The following DOCK1 variants were observed in gnomAD, a reference collection of about 807,000 sequenced individuals.
DOCK1 encodes the protein dedicator of cytokinesis protein 1.
A neutral mutation model predicts 262.7 loss-of-function variants in DOCK1; 138 were observed. That is an observed-to-expected ratio of 0.53 (90% CI 0.46 to 0.61). The LOEUF (loss-of-function observed/expected upper bound fraction) is 0.61, where lower values mean the gene tolerates loss of function less well. Ranked by LOEUF, DOCK1 falls within the 20% of genes least tolerant of loss-of-function variation. The probability of loss-of-function intolerance (pLI) is 0.00; values close to 1 mark genes in which losing one functional copy is unlikely to be tolerated. For synonymous variants in DOCK1, 866 were observed against 867.4 expected, an observed-to-expected ratio of 1.00 and a Z score of 0.03; for missense variants, 1,908 against 2,370.7, an observed-to-expected ratio of 0.80 and a Z score of 4.05.
intron 29 of DOCK1, among the ~76,000 whole-genome samples, chr10:127,333,024 G>A (rs1357233718): frequency 1.3e-5 from 2 of 150,034 alleles, no homozygotes; most frequent in African/African-American, 5.1e-5. Context: ...TTTCTGCAGG[G>A]ATGGAGGAAT....
intron 23 of DOCK1, among the ~76,000 whole-genome samples, chr10:127,099,676 C>T (rs747681027): frequency 2.6e-5 from 4 of 152,090 alleles, no homozygotes; most frequent in South Asian, 2.1e-4. Context: ...CTGGTTACTG[C>T]GAGGAAGGTA....
intron 1 of DOCK1, among the ~76,000 whole-genome samples, chr10:126,941,761 G>GACAAAACAAA (rs1192975240): frequency 9.3e-5 from 14 of 150,486 alleles, no homozygotes; most frequent in East Asian, 4.0e-4. Flanking sequence ...TCTCAAAACA[G>GACAAAACAAA]ACAAAACAAA....
chr10:127,060,928 G>A (rs1483358783), intron 22 of DOCK1, among the ~76,000 whole-genome samples: 2 of 152,134 alleles, frequency 1.3e-5, no homozygotes, highest in Non-Finnish European at 2.9e-5. Context: ...GTGACATAAT[G>A]GGTTTAAAAA....
intron 25 of DOCK1, among the ~76,000 whole-genome samples, chr10:127,121,477 C>G (rs199724543): frequency 1.8e-3 from 48 of 26,232 alleles, no homozygotes; most frequent in South Asian, 6.6e-3. Flanking sequence ...GTGTGTGTGT[C>G]TATCTGTCCG....
At position 126,918,544 on chromosome 10, in the gene DOCK1, C is replaced by G. The variant is rs77592778; in HGVS notation, c.46+12981C>G. Among the ~76,000 whole-genome samples the G allele has an allele frequency of 4.8e-3, 735 of 152,356 alleles. 2 individuals carry two copies. Among genetic ancestry groups the G allele is most frequent in the African/African-American group, 0.017 (703 of 41,592 alleles). On this transcript the variant is annotated intron_variant, in intron 1 of 51. Coordinates refer to ENST00000623213, the MANE Select transcript of DOCK1 (RefSeq NM_001290223.2). The stretch of plus-strand genomic sequence containing the variant: ...CCCTGGGGAGCTGTCCTGTACCTTG[C>G]TGGATACTTAGCAGGGCCTGCCCAG...
intron 43 of DOCK1, among the ~76,000 whole-genome samples, chr10:127,411,925 A>G (rs946816829): frequency 2.0e-5 from 3 of 152,162 alleles, no homozygotes; most frequent in Non-Finnish European, 4.4e-5. Flanking sequence ...AATAACAGCA[A>G]ACATCTTTAG....
At chr10:127,076,328 C>T (rs1454853476) in intron 23 of DOCK1, among the ~76,000 whole-genome samples, 9 of 152,104 alleles carry the variant, frequency 5.9e-5, no homozygotes, top group Non-Finnish European at 7.4e-5. Flanking sequence ...GGTGAAACCC[C>T]GTCTCTACTA....
chr10:127,270,798 CTCAG>C (rs1228939587), intron 29 of DOCK1, among the ~76,000 whole-genome samples: 2 of 152,160 alleles, frequency 1.3e-5, no homozygotes, highest in Non-Finnish European at 2.9e-5. Flanking sequence ...GCTATGCAGC[CTCAG>C]TCATACTTTG....
intron 45 of DOCK1, 120 bp from the exon 46 acceptor site, chr10:127,419,546 G>C: frequency 1.1e-6 from 1 of 925,704 alleles, no homozygotes. Flanking sequence ...AGTCTGCAGT[G>C]AGCTTCGTGT....
At chr10:127,267,334 C>T (rs1289566843) in intron 29 of DOCK1, among the ~76,000 whole-genome samples, 1 of 152,194 alleles carries the variant, frequency 6.6e-6, no homozygotes, top group Non-Finnish European at 1.5e-5. Flanking sequence ...AACAGTTATT[C>T]TATTTCATGT....
chr10:127,062,885 CCTT>C (rs1454141955), intron 23 of DOCK1, among the ~76,000 whole-genome samples: 1 of 152,176 alleles, frequency 6.6e-6, no homozygotes, highest in Non-Finnish European at 1.5e-5. Flanking sequence ...GTCCTTCTGT[CCTT>C]CTTCCCTCTT....
chr10:127,060,106 G>A lies in DOCK1; in HGVS notation c.2337-1562G>A, dbSNP rs75443329. Among the ~76,000 whole-genome samples, 1,218 of 141,128 alleles carry A rather than the reference G, an allele frequency of 8.6e-3. 16 individuals carry two copies. The highest frequency in any genetic ancestry group is 0.03 in the African/African-American group (1,166 of 38,830). The allele number at this position is 141,128 out of a possible 152,430, so 92.6% of individuals were successfully genotyped here. On this transcript the variant is annotated intron_variant, in intron 22 of 51. Transcript: ENST00000623213. ...GTTACCTGGGGACTCTCTCCCTGGCGTTTTCCAAACTCGAGTCATTTTCTC... is the reference window on the plus strand; with the variant it reads ...GTTACCTGGGGACTCTCTCCCTGGCATTTTCCAAACTCGAGTCATTTTCTC...
At chr10:127,128,595 G>T (rs879887276) in intron 27 of DOCK1, among the ~76,000 whole-genome samples, 1 of 152,032 alleles carries the variant, frequency 6.6e-6, no homozygotes, top group Non-Finnish European at 1.5e-5. Context: ...CTGTGTGCAT[G>T]TATTCTCATT....
At chr10:127,261,889 T>C in intron 29 of DOCK1, among the ~76,000 whole-genome samples, 1 of 110,146 alleles carries the variant, frequency 9.1e-6, no homozygotes, top group East Asian at 3.4e-4. Context: ...CCCGTGCTCA[T>C]CTGTGTGTGT....
intron 18 of DOCK1, among the ~76,000 whole-genome samples, 164 bp downstream of exon 18, chr10:127,032,484 C>T (rs544729054): frequency 9.8e-5 from 15 of 152,328 alleles, no homozygotes; most frequent in African/African-American, 3.6e-4. Flanking sequence ...TAGAAGGTGG[C>T]ATTTGTTCAT....
intron 38 of DOCK1, among the ~76,000 whole-genome samples, chr10:127,391,582 C>T (rs1294331059): frequency 6.8e-6 from 1 of 147,918 alleles, no homozygotes; most frequent in Non-Finnish European, 1.5e-5. Flanking sequence ...CACGTTTGCT[C>T]CTCAGGATCT....
intron 29 of DOCK1, among the ~76,000 whole-genome samples, chr10:127,306,732 G>C (rs548966363): frequency 1.3e-5 from 2 of 152,112 alleles, no homozygotes; most frequent in Non-Finnish European, 2.9e-5. Flanking sequence ...ATAACTGTAT[G>C]GGGGACTTTA....
chr10:127,417,511 T>C (rs1385044211), intron 44 of DOCK1, among the ~76,000 whole-genome samples: 1 of 152,182 alleles, frequency 6.6e-6, no homozygotes, highest in African/African-American at 2.4e-5. Context: ...AAATGAAGCC[T>C]GTGAGGGTGG....
chr10:127,176,133 A>G lies in DOCK1; in HGVS notation c.2847+48369A>G, dbSNP rs1260706308. Reference sequence around the variant, plus strand: ...GATGGACCTGCGTGCGGGCACTGTCATGTATTTGCGGTAGGCTGCTCTGCA... The same window carrying G: ...GATGGACCTGCGTGCGGGCACTGTCGTGTATTTGCGGTAGGCTGCTCTGCA... On this transcript the variant is annotated intron_variant, in intron 27 of 51. Transcript: ENST00000623213. The surrounding 1 kb of genome is among the most constrained non-coding windows in gnomAD (Gnocchi z 4.4). The G allele has an allele frequency of 6.2e-7, 1 of 1,613,806 alleles. No individual in the cohort carries two copies. Among genetic ancestry groups the G allele is most frequent in the Non-Finnish European group, 8.5e-7 (1 of 1,180,002 alleles).
Sources: gnomAD v4.1 joint callset for allele counts (sites outside exome capture counted in the v4.1 genomes callset) on GRCh38, gnomAD v4.1.1 for gene constraint, Gnocchi (gnomAD v3.1) non-coding constraint, MANE v1.5 for transcripts, NCBI Gene and HGNC (gene_info 2026-07-23, HGNC 2026-07-21) for gene names.